Variants in LRFN1 observed in about 807,000 individuals in gnomAD.
LRFN1 encodes the protein leucine-rich repeat and fibronectin type III domain-containing protein 1.
LRFN1 carries 20 observed loss-of-function variants against 31.8 expected under a neutral mutation model. The ratio of observed to expected loss-of-function variants is 0.63; its 90% CI spans 0.44 to 0.91. LRFN1 has a LOEUF of 0.91. LRFN1 is among the 40% of genes least tolerant of loss of function. The probability of loss-of-function intolerance (pLI) is 0.00; values close to 1 mark genes in which losing one functional copy is unlikely to be tolerated. For missense variants in LRFN1, 912 were observed against 1,129.8 expected, an observed-to-expected ratio of 0.81 and a Z score of 2.76; for synonymous variants, 514 against 541.3, an observed-to-expected ratio of 0.95 and a Z score of 0.70.
rs1051010418 is a variant in LRFN1 at position 39,307,280 on chromosome 19, G to A, written c.*353C>T. On this transcript the variant is annotated 3_prime_UTR_variant, in exon 5 of 5. Coordinates refer to ENST00000248668, the MANE Select transcript of LRFN1 (RefSeq NM_020862.2). This position sits in a 1 kb window ranked among gnomAD's most constrained non-coding sequence, Gnocchi z 6.7. ...GCCCCGGGTGACGGGCTGGGGGAGG[G>A]GGCTCGTGTCTCAGTGCTGCAGTGT... 9 of 398,502 alleles carry A rather than the reference G, an allele frequency of 2.3e-5. No homozygotes were observed. Among genetic ancestry groups the A allele is most frequent in the South Asian group, 1.2e-4 (1 of 8,022 alleles). 24.7% of individuals were successfully genotyped at this position (398,502 alleles called of 1,614,324 possible). A position where few individuals can be genotyped will look rare whatever the true frequency, so the allele number is the denominator to read the frequency against.
rs149075180 is a variant in LRFN1, at chr19:39,309,989, G to A, written c.1407-1447C>T. 8.5e-5 allele frequency among the ~76,000 whole-genome samples: 13 copies of A among 152,172 alleles called. No homozygotes were observed. In the East Asian group the frequency reaches 1.7e-3, roughly 20 times the overall value. On this transcript the variant is annotated intron_variant, in intron 4 of 4. Transcript: ENST00000248668. ...TTTGTTTTGTTTGAGACAGACTCTC[G>A]CTGTGTCACCCAGGCTGGAGTACAA...
chr19:39,320,118 C>T (rs1255481372), intron 1 of LRFN1, among the ~76,000 whole-genome samples: 1 of 150,232 alleles, frequency 6.7e-6, no homozygotes, highest in Admixed American at 6.6e-5. Flanking sequence ...CCGCAACCAC[C>T]GGGAAGGGGA....
chr19:39,312,725 C>T (rs2145033322), intron 4 of LRFN1, among the ~76,000 whole-genome samples: 1 of 151,508 alleles, frequency 6.6e-6, no homozygotes, highest in Middle Eastern at 3.4e-3. Flanking sequence ...TGCTTGGAGC[C>T]CAAAAGTTTG....
Position 39,308,196 on chromosome 19 carries a change from G to A in LRFN1, c.1753C>T (p.Gln585Ter). The A allele has an allele frequency of 6.2e-7, 1 of 1,601,352 alleles. No individual in the cohort carries two copies. Among genetic ancestry groups the A allele is most frequent in the Non-Finnish European group, 8.5e-7 (1 of 1,172,690 alleles). The change falls in exon 5 of 5, where the codon CAG (glutamine) becomes TAG (stop). Residue 585 changes from glutamine to a stop codon, truncating the protein, a stop_gained. Coordinates refer to ENST00000248668, the MANE Select transcript of LRFN1 (RefSeq NM_020862.2). LOFTEE classifies it low-confidence loss of function (END_TRUNC). This position sits in a 1 kb window ranked among gnomAD's most constrained non-coding sequence, Gnocchi z 6.2. Reference sequence around the variant, plus strand: ...GCGCCTGTGCCTGCGCCGTTGGTCTGCGAGCACACGTGGCTGACCCGCGGG... The same window carrying A: ...GCGCCTGTGCCTGCGCCGTTGGTCTACGAGCACACGTGGCTGACCCGCGGG... ...SLPRVSHVCS[Q>*]TNGAGTGAAQ...
chr19:39,313,916 A>C lies in LRFN1; in HGVS notation c.1406+15T>G. On this transcript the variant is annotated intron_variant, in intron 4 of 4. Transcript: ENST00000248668. Reference sequence around the variant, plus strand: ...GCTTGGGAGGAGGCCCTGGGACTGCAGCACCCGCACCCACCTGTAGACGAG... The same window carrying C: ...GCTTGGGAGGAGGCCCTGGGACTGCCGCACCCGCACCCACCTGTAGACGAG... The C allele has an allele frequency of 6.4e-7, 1 of 1,572,266 alleles. No homozygotes were observed. The highest frequency in any genetic ancestry group is 8.6e-7 in the Non-Finnish European group (1 of 1,158,830).
chr19:39,315,783 C>G lies in LRFN1; in HGVS notation c.-38+299G>C, dbSNP rs2075170406. Among the ~76,000 whole-genome samples, 1 of 152,178 alleles carries G rather than the reference C, an allele frequency of 6.6e-6. No homozygotes were observed. Among genetic ancestry groups the G allele is most frequent in the Admixed American group, 6.5e-5 (1 of 15,284 alleles). ...GCAGTGAGCCGAGATCACACCATTGCAATCCAGTCTGGGCGACAGAGCAAG... is the reference window on the plus strand; with the variant it reads ...GCAGTGAGCCGAGATCACACCATTGGAATCCAGTCTGGGCGACAGAGCAAG... On this transcript the variant is annotated intron_variant, in intron 3 of 4. Coordinates refer to ENST00000248668, the MANE Select transcript of LRFN1 (RefSeq NM_020862.2). The surrounding 1 kb of genome is among the most constrained non-coding windows in gnomAD (Gnocchi z 4.7).
At chr19:39,312,544 T>C (rs546175381) in intron 4 of LRFN1, among the ~76,000 whole-genome samples, 1 of 152,260 alleles carries the variant, frequency 6.6e-6, no homozygotes, top group African/African-American at 2.4e-5. Flanking sequence ...GGCTCACACC[T>C]GTAATCCCAG....
In LRFN1 at chr19:39,306,998, C is replaced by A. The variant is rs904130734; in HGVS notation, c.*635G>T. ...AATCAGGAGAGACAGGGAGACTAGA[C>A]AAAACCAGGGAGGGCCGAGGGACAA... is the stretch of plus-strand genomic sequence containing the variant. On this transcript the variant is annotated 3_prime_UTR_variant, in exon 5 of 5. Coordinates refer to ENST00000248668, the MANE Select transcript of LRFN1 (RefSeq NM_020862.2). 2.2e-5 allele frequency: 6 copies of A among 272,402 alleles called. No homozygotes were observed. The highest frequency in any genetic ancestry group is 1.3e-4 in the African/African-American group (6 of 45,296). The allele number at this position is 272,402 out of a possible 1,614,324, so 16.9% of individuals were successfully genotyped here.
rs760650091 is a variant in LRFN1 at position 39,308,170 on chromosome 19, C to G, written c.1779G>C (p.Ala593=). The stretch of plus-strand genomic sequence containing the variant: ...GGGCCGGCAGGGCCGGGGCCTGTGC[C>G]GCGCCTGTGCCTGCGCCGTTGGTCT... ...CSQTNGAGTG[A]AQAPALPAQD... Residue 593 remains alanine, a synonymous_variant, in exon 5 of 5, where the codon GCG becomes GCC. Coordinates refer to ENST00000248668, the MANE Select transcript of LRFN1 (RefSeq NM_020862.2). This position sits in a 1 kb window ranked among gnomAD's most constrained non-coding sequence, Gnocchi z 6.2. 14 of 1,575,206 alleles carry G rather than the reference C, an allele frequency of 8.9e-6. No individual in the cohort carries two copies. Among genetic ancestry groups the G allele is most frequent in the East Asian group, 2.3e-5 (1 of 44,422 alleles).
At chr19:39,317,044 C>T (rs2075174264) in intron 2 of LRFN1, among the ~76,000 whole-genome samples, 1 of 151,292 alleles carries the variant, frequency 6.6e-6, no homozygotes, top group Non-Finnish European at 1.5e-5. Context: ...CAAGGAGAGA[C>T]CAGGGGGAGG....
At chr19:39,319,936 G>A (rs1245567377) in intron 1 of LRFN1, among the ~76,000 whole-genome samples, 3 of 151,712 alleles carry the variant, frequency 2.0e-5, no homozygotes, top group Non-Finnish European at 4.4e-5. Flanking sequence ...CATCAGGATG[G>A]AGGTAACTCT....
chr19:39,318,452 C>G (rs2075178462), intron 1 of LRFN1, 94 bp from the exon 2 acceptor site: 1 of 152,324 alleles, frequency 6.6e-6, no homozygotes, highest in African/African-American at 2.4e-5. Flanking sequence ...AAGGAAGTCC[C>G]TGGTGTGATC....
intron 4 of LRFN1, among the ~76,000 whole-genome samples, chr19:39,309,313 G>A (rs141609487): frequency 7.9e-4 from 120 of 151,700 alleles, no homozygotes; most frequent in Non-Finnish European, 1.6e-3. Flanking sequence ...AATTAGCCAG[G>A]CGTGGTGGCA....
chr19:39,312,825 A>G (rs1192443115), intron 4 of LRFN1, among the ~76,000 whole-genome samples: 2 of 151,972 alleles, frequency 1.3e-5, no homozygotes, highest in Non-Finnish European at 2.9e-5. Context: ...AAAAGAAAAA[A>G]AAAAACTACT....
chr19:39,320,475 C>T (rs2145041471), intron 1 of LRFN1, among the ~76,000 whole-genome samples: 1 of 152,222 alleles, frequency 6.6e-6, no homozygotes, highest in South Asian at 2.1e-4. Context: ...GCACACAACC[C>T]ACGCACACAC....
chr19:39,307,873 C>T lies in LRFN1; in HGVS notation c.2076G>A (p.Gly692=), dbSNP rs942202957. The T allele has an allele frequency of 6.5e-7, 1 of 1,540,558 alleles. No individual in the cohort carries two copies. The highest frequency in any genetic ancestry group is 8.7e-7 in the Non-Finnish European group (1 of 1,149,710). The stretch of plus-strand genomic sequence containing the variant: ...GCGGCCTCGGCCGGGCCGCGGCTCC[C>T]CCAGGAACTAGAGCTAGAGTAGGGG... The part of the protein sequence containing the change: ...SAPPTLALVP[G]GAAARPRPQQ... Residue 692 remains glycine (G), a synonymous_variant, in exon 5 of 5, where the codon GGG becomes GGA. Coordinates refer to ENST00000248668, the MANE Select transcript of LRFN1 (RefSeq NM_020862.2). The surrounding 1 kb of genome is among the most constrained non-coding windows in gnomAD (Gnocchi z 6.7).
chr19:39,320,287 G>T (rs148824983), intron 1 of LRFN1, among the ~76,000 whole-genome samples: 1 of 147,486 alleles, frequency 6.8e-6, no homozygotes, highest in Non-Finnish European at 1.5e-5. Context: ...ACACACCCTC[G>T]GAGACATACA....
chr19:39,317,803 C>T (rs545355050), intron 2 of LRFN1, among the ~76,000 whole-genome samples: 32 of 152,236 alleles, frequency 2.1e-4, no homozygotes, highest in African/African-American at 7.7e-4. Context: ...ACACTATATA[C>T]ATGTGAGCTG....
chr19:39,308,490 G>C lies in LRFN1; in HGVS notation c.1459C>G (p.Arg487Gly), dbSNP rs963629336. ...TFLVNDLAAGRAYDLCVLAVY... is the reference protein window; with the variant it reads ...TFLVNDLAAGGAYDLCVLAVY... The stretch of plus-strand genomic sequence containing the variant: ...GCCAGCACGCACAAGTCGTAGGCAC[G>C]GCCCGCCGCCAGGTCATTCACCAGG... Residue 487 changes from arginine (R) to glycine (G), a missense_variant, in exon 5 of 5, where the codon CGT becomes GGT. Coordinates refer to ENST00000248668, the MANE Select transcript of LRFN1 (RefSeq NM_020862.2). The surrounding 1 kb of genome is among the most constrained non-coding windows in gnomAD (Gnocchi z 6.2). The C allele has an allele frequency of 2.5e-6, 4 of 1,602,884 alleles. No homozygotes were observed. The highest frequency in any genetic ancestry group is 1.3e-5 in the African/African-American group (1 of 74,918).
Sources: allele counts gnomAD v4.1 joint callset (sites outside exome capture counted in the v4.1 genomes callset), GRCh38; gene constraint gnomAD v4.1.1; non-coding constraint Gnocchi (gnomAD v3.1); transcripts MANE v1.5; gene names NCBI Gene and HGNC (gene_info 2026-07-23, HGNC 2026-07-21).